The following SNX29 variants were observed in gnomAD, a reference collection of about 807,000 sequenced individuals.
SNX29 encodes sorting nexin-29.
In SNX29, 78 loss-of-function variants were observed where a neutral mutation model predicts 102.1. The ratio of observed to expected loss-of-function variants is 0.76; its 90% CI spans 0.64 to 0.92. The LOEUF is 0.92. SNX29 is among the 40% of genes least tolerant of loss of function. The pLI, the probability that SNX29 is intolerant of heterozygous loss-of-function variation, is 0.00. For synonymous variants in SNX29, 580 were observed against 414.5 expected, an observed-to-expected ratio of 1.40 and a Z score of -4.85; for missense variants, 1,280 against 1,061.7, an observed-to-expected ratio of 1.21 and a Z score of -2.86.
intron 6 of SNX29, among the ~76,000 whole-genome samples, chr16:12,046,884 A>T (rs1392446820): frequency 1.3e-5 from 2 of 152,142 alleles, no homozygotes; most frequent in Non-Finnish European, 2.9e-5. Flanking sequence ...CTCCCAAAGC[A>T]TTGGGATTGC....
chr16:12,118,112 GA>G (rs879565779), intron 11 of SNX29, among the ~76,000 whole-genome samples: 44 of 151,528 alleles, frequency 2.9e-4, no homozygotes, highest in Non-Finnish European at 5.2e-4. Flanking sequence ...TAAAAACAAA[GA>G]AAAAAAACTT....
intron 20 of SNX29, among the ~76,000 whole-genome samples, chr16:12,545,043 T>G (rs11861501): frequency 0.47 from 71,424 of 152,016 alleles, 17,764 homozygotes; most frequent in East Asian, 0.78. Flanking sequence ...AGGTCTGTGA[T>G]GCCCTGCTCC....
rs192989571 is a variant in SNX29 at position 12,066,902 on chromosome 16, C to T, written c.1244-2155C>T. 9.0e-4 allele frequency among the ~76,000 whole-genome samples: 137 copies of T among 151,666 alleles called. 1 individual carries two copies. Among genetic ancestry groups the T allele is most frequent in the African/African-American group, 2.8e-3 (114 of 41,312 alleles). The stretch of plus-strand genomic sequence containing the variant: ...TTTACATGCGTTAAGATGTAACATT[C>T]GGGAGTCTGAGGCAGGAGGATTGCT... On this transcript the variant is annotated intron_variant, in intron 9 of 20. Transcript: ENST00000566228.
intron 16 of SNX29, among the ~76,000 whole-genome samples, chr16:12,379,398 C>A (rs1278083774): frequency 6.6e-6 from 1 of 152,338 alleles, no homozygotes; most frequent in Admixed American, 6.5e-5. Flanking sequence ...ATTGGGATTA[C>A]AGGCGTGAGC....
rs2079196736 is a variant in SNX29, at chr16:12,571,952, C to G, written c.*3323C>G. ...AAGGAAGACACTTTCAGGGAAGAGGCTCTTACAGTCTATGGTGGTAGCCAT... is the reference window on the plus strand; with the variant it reads ...AAGGAAGACACTTTCAGGGAAGAGGGTCTTACAGTCTATGGTGGTAGCCAT... On this transcript the variant is annotated 3_prime_UTR_variant, in exon 21 of 21. Transcript: ENST00000566228. 3 of 1,061,862 alleles carry G rather than the reference C, an allele frequency of 2.8e-6. No homozygotes were observed. Among genetic ancestry groups the G allele is most frequent in the Non-Finnish European group, 2.3e-6 (2 of 877,048 alleles). 65.8% of individuals were successfully genotyped at this position (1,061,862 alleles called of 1,614,324 possible).
intron 16 of SNX29, among the ~76,000 whole-genome samples, chr16:12,391,694 G>A (rs1000446216): frequency 3.3e-5 from 5 of 151,944 alleles, no homozygotes; most frequent in African/African-American, 1.2e-4. Flanking sequence ...ATAGTAAATT[G>A]CAGATGTCGG....
At position 12,565,656 on chromosome 16, in the gene SNX29, G is replaced by C. The variant is rs570252572; in HGVS notation, c.2319-2850G>C. On this transcript the variant is annotated intron_variant, in intron 20 of 20. Transcript: ENST00000566228. ...ATGTGACACATATAGCCTCGTGACA[G>C]CTCAGTGCACGTCCCGAGCTAACCC... 1.8e-3 allele frequency among the ~76,000 whole-genome samples: 270 copies of C among 152,332 alleles called. 2 individuals are homozygous for C. Among genetic ancestry groups the C allele is most frequent in the African/African-American group, 2.5e-3 (105 of 41,564 alleles).
rs139044763 is a variant in SNX29, at chr16:12,224,572, G to A, written c.1678+24889G>A. On this transcript the variant is annotated intron_variant, in intron 14 of 20. Transcript: ENST00000566228. Reference sequence around the variant, plus strand: ...TTGGAGAAAGTGACATTTGATCAGAGGGTTGAAGGTTGAGTATGAGTTCTT... The same window carrying A: ...TTGGAGAAAGTGACATTTGATCAGAAGGTTGAAGGTTGAGTATGAGTTCTT... Among the ~76,000 whole-genome samples the A allele has an allele frequency of 3.7e-3, 556 of 152,316 alleles. 4 individuals carry two copies. Among genetic ancestry groups the A allele is most frequent in the African/African-American group, 0.013 (530 of 41,558 alleles).
In SNX29 at chr16:12,547,427, C is replaced by T. The variant is rs190362061; in HGVS notation, c.2319-21079C>T. ...GGTAGTTAGGGGACCATGTGGGCAC[C>T]CCGGGGAGAGGGGATGGTGCCTCAG... is the stretch of plus-strand genomic sequence containing the variant. On this transcript the variant is annotated intron_variant, in intron 20 of 20. Transcript: ENST00000566228. Among the ~76,000 whole-genome samples the T allele has an allele frequency of 6.1e-3, 924 of 152,170 alleles. 14 individuals carry two copies. The highest frequency in any genetic ancestry group is 0.021 in the African/African-American group (889 of 41,516).
chr16:12,558,292 G>T (rs529265974), intron 20 of SNX29, among the ~76,000 whole-genome samples: 25 of 152,084 alleles, frequency 1.6e-4, no homozygotes, highest in Non-Finnish European at 3.1e-4. Context: ...GCTCTGAAAC[G>T]CGAGATGGCC....
intron 11 of SNX29, among the ~76,000 whole-genome samples, chr16:12,121,106 C>T (rs2053953389): frequency 6.6e-6 from 1 of 152,180 alleles, no homozygotes; most frequent in African/African-American, 2.4e-5. Flanking sequence ...GATCATTCAC[C>T]AGGTCTCACG....
At chr16:12,231,701 G>T (rs2077776021) in intron 14 of SNX29, among the ~76,000 whole-genome samples, 2 of 152,156 alleles carry the variant, frequency 1.3e-5, no homozygotes, top group South Asian at 4.1e-4. Flanking sequence ...TCTGACTTCT[G>T]TTTCGGGTTT....
At chr16:12,333,529 G>A (rs1016611474) in intron 15 of SNX29, among the ~76,000 whole-genome samples, 1 of 152,134 alleles carries the variant, frequency 6.6e-6, no homozygotes, top group African/African-American at 2.4e-5. Flanking sequence ...ATCAGTATGG[G>A]TGTGCTGAAT....
At chr16:12,043,847 A>G (rs2049983387) in intron 5 of SNX29, among the ~76,000 whole-genome samples, 1 of 151,992 alleles carries the variant, frequency 6.6e-6, no homozygotes. Flanking sequence ...TCCGTCTCCT[A>G]GTTCGAGCGA....
At position 12,553,229 on chromosome 16, in the gene SNX29, T is replaced by TA. The variant is rs368363078; in HGVS notation, c.2319-15277_2319-15276insA. Reference sequence around the variant, plus strand: ...AGTAGCCATGCTCGCAGATGGGGACTTGAGAATACAGAGAGAGATTGTACA... The same window carrying TA: ...AGTAGCCATGCTCGCAGATGGGGACTATGAGAATACAGAGAGAGATTGTACA... On this transcript the variant is annotated intron_variant, in intron 20 of 20. Coordinates refer to ENST00000566228, the MANE Select transcript of SNX29 (RefSeq NM_032167.5). Among the ~76,000 whole-genome samples, 456 of 152,302 alleles carry TA rather than the reference T, an allele frequency of 3.0e-3. 5 individuals carry two copies. Among genetic ancestry groups the TA allele is most frequent in the African/African-American group, 0.01 (435 of 41,576 alleles).
At chr16:12,190,037 C>G (rs958588493) in intron 13 of SNX29, among the ~76,000 whole-genome samples, 1 of 152,154 alleles carries the variant, frequency 6.6e-6, no homozygotes, top group Non-Finnish European at 1.5e-5. Context: ...AGTTATTGAT[C>G]CATCCCCTTG....
At chr16:12,328,427 A>T (rs2081188415) in intron 15 of SNX29, among the ~76,000 whole-genome samples, 1 of 152,188 alleles carries the variant, frequency 6.6e-6, no homozygotes, top group Non-Finnish European at 1.5e-5. Flanking sequence ...TCACATCCCC[A>T]GTGACAATAT....
intron 4 of SNX29, among the ~76,000 whole-genome samples, chr16:12,028,655 T>C (rs763776806): frequency 2.0e-5 from 3 of 152,118 alleles, no homozygotes; most frequent in Non-Finnish European, 2.9e-5. Flanking sequence ...TGAGACACTG[T>C]GCCTGGCTCC....
chr16:12,248,204 T>C (rs2078315834), intron 14 of SNX29, among the ~76,000 whole-genome samples: 1 of 152,110 alleles, frequency 6.6e-6, no homozygotes. Flanking sequence ...AACACAATCA[T>C]ATCCTGAGCC....
Sources: allele counts gnomAD v4.1 joint callset (sites outside exome capture counted in the v4.1 genomes callset), GRCh38; gene constraint gnomAD v4.1.1; transcripts MANE v1.5; gene names NCBI Gene and HGNC (gene_info 2026-07-23, HGNC 2026-07-21).